Variants in PCDH11X observed in about 807,000 individuals in gnomAD.
The protein encoded by PCDH11X is protocadherin-11 X-linked.
In PCDH11X, 18 loss-of-function variants were observed where a neutral mutation model predicts 53.3. That is an observed-to-expected ratio of 0.34 (90% confidence interval 0.23 to 0.50). The LOEUF (loss-of-function observed/expected upper bound fraction) is 0.50. Among genes scored for constraint, PCDH11X ranks in the 20% least tolerant of loss-of-function variants. The pLI is 0.98. For synonymous variants in PCDH11X, 279 were observed against 393.3 expected (o/e 0.71, Z 3.44); for missense variants, 570 against 1,032.4 (o/e 0.55, Z 6.14).
chrX:92,482,278 A>AT (rs1170318001), intron 10 of PCDH11X, among the ~76,000 whole-genome samples: 12 of 110,566 alleles, frequency 1.1e-4, no homozygotes, highest in South Asian at 3.8e-4. Flanking sequence ...TTTTTCCATT[A>AT]TTTTTTTTTC....
At chrX:92,003,172 C>T (rs1208200852) in intron 6 of PCDH11X, among the ~76,000 whole-genome samples, 3 of 102,244 alleles carry the variant, frequency 2.9e-5, no homozygotes, top group Non-Finnish European at 6.0e-5. Flanking sequence ...CCTTCATTCT[C>T]TTGATATATC....
intron 5 of PCDH11X, among the ~76,000 whole-genome samples, chrX:91,847,602 T>C (rs944330720): frequency 9.0e-6 from 1 of 111,524 alleles, no homozygotes; most frequent in African/African-American, 3.3e-5. Context: ...CTGCAAAACA[T>C]CATTGGGGTC....
chrX:91,914,700 A>G (rs1419507571), intron 6 of PCDH11X, among the ~76,000 whole-genome samples: 1 of 112,004 alleles, frequency 8.9e-6, no homozygotes, highest in East Asian at 2.8e-4. Flanking sequence ...TCACACAAAG[A>G]CAAAGAAAAT....
chrX:92,234,173 T>G (rs893194793), intron 7 of PCDH11X, among the ~76,000 whole-genome samples: 2 of 112,477 alleles, frequency 1.8e-5, no homozygotes, highest in African/African-American at 6.5e-5. Context: ...AATATAAGCT[T>G]GACAACACTG....
chrX:91,960,482 T>G (rs2061772150), intron 6 of PCDH11X, among the ~76,000 whole-genome samples: 1 of 110,664 alleles, frequency 9.0e-6, no homozygotes, highest in Non-Finnish European at 1.9e-5. Context: ...TGGAGTGCAG[T>G]GGCGCAATCT....
intron 9 of PCDH11X, among the ~76,000 whole-genome samples, chrX:92,420,234 A>G (rs1462286938): frequency 8.9e-6 from 1 of 112,067 alleles, no homozygotes; most frequent in Non-Finnish European, 1.9e-5. Context: ...GGTTACAACT[A>G]TGTACACTGA....
At chrX:91,856,108 A>G (rs1240155907) in intron 5 of PCDH11X, among the ~76,000 whole-genome samples, 7 of 92,030 alleles carry the variant, frequency 7.6e-5, no homozygotes, top group Non-Finnish European at 1.5e-4. Context: ...CCATTTTTCC[A>G]CATTTAGTAT....
At chrX:92,032,088 T>C (rs1009336271) in intron 6 of PCDH11X, among the ~76,000 whole-genome samples, 16 of 112,058 alleles carry the variant, frequency 1.4e-4, no homozygotes, top group African/African-American at 5.2e-4. Context: ...GTGGCCATTT[T>C]AACAATATTC....
At chrX:92,343,030 A>G (rs1044337456) in intron 8 of PCDH11X, among the ~76,000 whole-genome samples, 9 of 112,119 alleles carry the variant, frequency 8.0e-5, no homozygotes, top group Non-Finnish European at 1.7e-4. Flanking sequence ...AATCAAATTA[A>G]GTGTTTTATA....
At position 92,618,555 on chromosome X, in the gene PCDH11X, A is replaced by C. The variant is rs752615515; in HGVS notation, c.3659A>C (p.His1220Pro). 3 of 1,210,612 alleles carry C rather than the reference A, an allele frequency of 2.5e-6. No individual in the cohort carries two copies. Among genetic ancestry groups the C allele is most frequent in the East Asian group, 5.9e-5 (2 of 33,800 alleles). ...CCACCGATACAGGTGTCTGCTCTCCACCACAGTCCTCCTCTAGTGCAGGCT... is the reference window on the plus strand; with the variant it reads ...CCACCGATACAGGTGTCTGCTCTCCCCCACAGTCCTCCTCTAGTGCAGGCT... ...SPPPIQVSALHHSPPLVQATA... is the reference protein window; with the variant it reads ...SPPPIQVSALPHSPPLVQATA... The change falls in exon 11 of 11, where the codon CAC becomes CCC. Residue 1220 changes from histidine (H) to proline (P), a missense_variant. This residue lies in a region of PCDH11X where 234 missense variants were observed against 296.1 expected (regional missense o/e 0.79). Coordinates refer to ENST00000682573, the MANE Select transcript of PCDH11X (RefSeq NM_032968.5).
At chrX:92,210,626 T>C (rs1321470160) in intron 7 of PCDH11X, among the ~76,000 whole-genome samples, 1 of 111,614 alleles carries the variant, frequency 9.0e-6, no homozygotes, top group African/African-American at 3.3e-5. Context: ...AAAATATAAG[T>C]TACAGTTTCA....
intron 6 of PCDH11X, among the ~76,000 whole-genome samples, chrX:91,935,239 T>C (rs959423309): frequency 9.2e-6 from 1 of 108,445 alleles, no homozygotes; most frequent in Non-Finnish European, 1.9e-5. Context: ...AGGAACAATA[T>C]TGGAACATAT....
At chrX:92,342,416 G>A (rs1276311104) in intron 8 of PCDH11X, among the ~76,000 whole-genome samples, 1 of 111,453 alleles carries the variant, frequency 9.0e-6, no homozygotes, top group Non-Finnish European at 1.9e-5. Context: ...GTTCATTGCA[G>A]TGCTGTTCAC....
At chrX:91,790,210 T>A (rs1935483737) in intron 1 of PCDH11X, among the ~76,000 whole-genome samples, 1 of 112,560 alleles carries the variant, frequency 8.9e-6, no homozygotes, top group African/African-American at 3.2e-5. Context: ...TGTGACTATA[T>A]TGGTTGAAAC....
At chrX:91,925,520 G>T (rs1327158013) in intron 6 of PCDH11X, among the ~76,000 whole-genome samples, 1 of 111,031 alleles carries the variant, frequency 9.0e-6, no homozygotes, top group Non-Finnish European at 1.9e-5. Flanking sequence ...AATTGTTTTT[G>T]AACCAAAACA....
At chrX:92,412,520 TATATA>T (rs2071705068) in intron 9 of PCDH11X, among the ~76,000 whole-genome samples, 1 of 67,004 alleles carries the variant, frequency 1.5e-5, no homozygotes, top group Non-Finnish European at 2.4e-5. Flanking sequence ...TATATATATA[TATATA>T]TATATATATA....
intron 6 of PCDH11X, among the ~76,000 whole-genome samples, chrX:91,896,466 A>T (rs778261212): frequency 6.3e-4 from 66 of 104,177 alleles, no homozygotes; most frequent in Non-Finnish European, 1.2e-3. Flanking sequence ...TCTTCTGGTT[A>T]TGTTATACTG....
intron 6 of PCDH11X, among the ~76,000 whole-genome samples, chrX:92,029,777 T>A (rs1411961263): frequency 9.0e-6 from 1 of 111,730 alleles, no homozygotes; most frequent in Non-Finnish European, 1.9e-5. Context: ...TTTAGAAATG[T>A]TGCTTAATGA....
intron 6 of PCDH11X, among the ~76,000 whole-genome samples, chrX:92,064,783 A>G (rs989569581): frequency 4.6e-5 from 5 of 108,135 alleles, no homozygotes; most frequent in Admixed American, 2.0e-4. Context: ...GCTCGGGGCC[A>G]ATACAAAAGA....
Sources: gnomAD v4.1 joint callset for allele counts (sites outside exome capture counted in the v4.1 genomes callset) on GRCh38, gnomAD v4.1.1 for gene constraint, gnomAD v4.1.1 regional missense constraint, MANE v1.5 for transcripts, NCBI Gene and HGNC (gene_info 2026-07-23, HGNC 2026-07-21) for gene names.